Variants in PCDH7 observed in about 807,000 individuals in gnomAD.
PCDH7 encodes protocadherin 7, also known as protocadherin-7.
In PCDH7, 17 loss-of-function variants were observed where a neutral mutation model predicts 58.9. The ratio of observed to expected loss-of-function variants is 0.29; its 90% CI spans 0.20 to 0.43. The LOEUF is 0.43. Among genes scored for constraint, PCDH7 ranks in the 20% least tolerant of loss-of-function variants. The pLI is 1.00. For synonymous variants in PCDH7, 664 were observed against 616.4 expected (o/e 1.08, Z -1.14); for missense variants, 1,274 against 1,441.0 (o/e 0.88, Z 1.88).
intron 3 of PCDH7, among the ~76,000 whole-genome samples, chr4:31,027,087 A>G (rs190265086): frequency 1.6e-3 from 238 of 152,306 alleles, no homozygotes; most frequent in African/African-American, 5.4e-3. Flanking sequence ...ATGATTTGCC[A>G]TAAGGAAACC....
intron 1 of PCDH7, among the ~76,000 whole-genome samples, chr4:30,725,611 C>A (rs2121658): frequency 0.47 from 71,203 of 151,822 alleles, 17,563 homozygotes; most frequent in East Asian, 0.54. Context: ...GCAAACAAGA[C>A]CTTTTGGAAA....
rs537825621 is a variant in PCDH7, at chr4:31,091,121, T to A, written c.*8-51352T>A. 2.0e-5 allele frequency among the ~76,000 whole-genome samples: 3 copies of A among 152,112 alleles called. No homozygotes were observed. In the East Asian group the frequency reaches 5.8e-4, roughly 29 times the overall value. ...CTTTTCTGGACATGTCTTTATTATA[T>A]CCTGTCACCAAAACCTAAAGGTAAG... On this transcript the variant is annotated intron_variant, in intron 3 of 3. Transcript: ENST00000509759.
downstream of PCDH7, among the ~76,000 whole-genome samples, chr4:30,737,071 A>T (rs1716408407): frequency 6.6e-6 from 1 of 152,156 alleles, no homozygotes; most frequent in South Asian, 2.1e-4. Flanking sequence ...CTAAAGCTGG[A>T]TGAGGGAATC....
At chr4:30,910,471 G>GA (rs1353998065) in intron 1 of PCDH7, among the ~76,000 whole-genome samples, 1 of 151,960 alleles carries the variant, frequency 6.6e-6, no homozygotes, top group African/African-American at 2.4e-5. Flanking sequence ...AAATTTACGA[G>GA]AAAATGCAAC....
At chr4:30,776,727 A>G (rs987653761) in intron 1 of PCDH7, among the ~76,000 whole-genome samples, 1 of 152,176 alleles carries the variant, frequency 6.6e-6, no homozygotes, top group African/African-American at 2.4e-5. Flanking sequence ...TTTTGAGGTC[A>G]TAAGATTTCA....
intron 3 of PCDH7, among the ~76,000 whole-genome samples, chr4:31,042,095 G>A (rs1283370397): frequency 1.3e-5 from 2 of 152,092 alleles, no homozygotes; most frequent in Admixed American, 6.6e-5. Flanking sequence ...GGTTTTCATC[G>A]GCTGAGTGTG....
intron 3 of PCDH7, among the ~76,000 whole-genome samples, chr4:31,061,567 C>A (rs1295204917): frequency 6.6e-6 from 1 of 151,466 alleles, no homozygotes; most frequent in Non-Finnish European, 1.5e-5. Flanking sequence ...AGTCTCCATG[C>A]ACTTAAATTG....
downstream of PCDH7, chr4:31,145,507 G>A (rs1316365348): frequency 6.6e-6 from 1 of 151,982 alleles, no homozygotes; most frequent in East Asian, 1.9e-4. Flanking sequence ...TGCAAAATAA[G>A]CAACTGTGCC....
intron 3 of PCDH7, among the ~76,000 whole-genome samples, chr4:31,034,883 T>A (rs1387125471): frequency 6.6e-6 from 1 of 152,186 alleles, no homozygotes; most frequent in Non-Finnish European, 1.5e-5. Flanking sequence ...GTGACATGAA[T>A]CACTCTTTCA....
At chr4:30,800,861 T>A (rs1053404650) in intron 1 of PCDH7, among the ~76,000 whole-genome samples, 2 of 152,240 alleles carry the variant, frequency 1.3e-5, no homozygotes, top group Non-Finnish European at 2.9e-5. Context: ...AGATGGGCTT[T>A]GACTTTTATG....
chr4:30,739,133 TA>T (rs1195052139), intron 1 of PCDH7, among the ~76,000 whole-genome samples: 2 of 146,678 alleles, frequency 1.4e-5, no homozygotes, highest in African/African-American at 2.5e-5. Context: ...ATTTTATATA[TA>T]AAAATATATA....
chr4:31,141,290 A>G (rs1720220465), intron 3 of PCDH7, among the ~76,000 whole-genome samples: 1 of 152,250 alleles, frequency 6.6e-6, no homozygotes, highest in Admixed American at 6.5e-5. Flanking sequence ...ATATTTTCAG[A>G]GGTCAAATTC....
intron 3 of PCDH7, among the ~76,000 whole-genome samples, chr4:30,970,317 C>T (rs927469919): frequency 6.0e-5 from 9 of 149,798 alleles, no homozygotes; most frequent in East Asian, 4.0e-4. Flanking sequence ...TTTCCTGAGA[C>T]GGCGTCTAGC....
At chr4:31,018,048 A>C (rs1289560860) in intron 3 of PCDH7, among the ~76,000 whole-genome samples, 6 of 152,146 alleles carry the variant, frequency 3.9e-5, no homozygotes, top group Non-Finnish European at 8.8e-5. Flanking sequence ...AAAGTGTGAA[A>C]CTTTATTTTT....
intron 1 of PCDH7, among the ~76,000 whole-genome samples, chr4:30,899,314 G>C (rs528462789): frequency 3.3e-5 from 5 of 152,234 alleles, no homozygotes; most frequent in Admixed American, 1.3e-4. Flanking sequence ...TCCAGGTTTT[G>C]AAGGATAAAA....
At position 31,013,068 on chromosome 4, in the gene PCDH7, TC is replaced by T. The variant is rs542079921; in HGVS notation, c.*7+62856del. Among the ~76,000 whole-genome samples the T allele has an allele frequency of 1.3e-3, 200 of 150,288 alleles. 6 individuals are homozygous for T. The highest frequency in any genetic ancestry group is 6.8e-3 in the Middle Eastern group (2 of 292). On this transcript the variant is annotated intron_variant, in intron 3 of 3. Coordinates refer to the PCDH7 transcript ENST00000509759. Reference sequence around the variant, plus strand: ...CAGGCATAGTGGCACATGGCTGTAGTCCCAAATACTCTAGAGGCTGAGGCAG... The same window carrying T: ...CAGGCATAGTGGCACATGGCTGTAGTCCAAATACTCTAGAGGCTGAGGCAG...
At chr4:30,924,971 C>A (rs1243386607) in intron 2 of PCDH7, among the ~76,000 whole-genome samples, 2 of 151,466 alleles carry the variant, frequency 1.3e-5, no homozygotes, top group African/African-American at 4.8e-5. Context: ...CACTCTAAAT[C>A]CCTAATTCAT....
chr4:30,983,513 AG>A (rs1230756602), intron 3 of PCDH7, among the ~76,000 whole-genome samples: 1 of 152,204 alleles, frequency 6.6e-6, no homozygotes, highest in Admixed American at 6.5e-5. Flanking sequence ...TCAAAGAAAA[AG>A]CTATTTCAAA....
At chr4:30,896,889 C>CTTCTTTTTT (rs1739468800) in intron 1 of PCDH7, among the ~76,000 whole-genome samples, 1 of 27,338 alleles carries the variant, frequency 3.7e-5, no homozygotes, top group African/African-American at 1.6e-4. Flanking sequence ...TAGTTCTTTG[C>CTTCTTTTTT]TTTTTTTTTT....
Sources: gnomAD v4.1 joint callset for allele counts (sites outside exome capture counted in the v4.1 genomes callset) on GRCh38, gnomAD v4.1.1 for gene constraint, MANE v1.5 for transcripts, NCBI Gene and HGNC (gene_info 2026-07-23, HGNC 2026-07-21) for gene names.